ZFP64: variants seen among roughly 807,000 people sequenced by gnomAD.
ZFP64 encodes the protein zinc finger protein 64.
In ZFP64, 14 loss-of-function variants were observed where a neutral mutation model predicts 51.6. The observed-to-expected ratio is 0.27, with a 90% CI of 0.18 to 0.42. The LOEUF is 0.42. Among genes scored for constraint, ZFP64 ranks in the 10% least tolerant of loss-of-function variants. ZFP64 has a pLI of 1.00. For missense variants in ZFP64, 754 were observed against 906.8 expected, an observed-to-expected ratio of 0.83 and a Z score of 2.16; for synonymous variants, 375 against 361.4, an observed-to-expected ratio of 1.04 and a Z score of -0.43.
At chr20:52,110,071 G>A (rs76131604) in intron 5 of ZFP64, among the ~76,000 whole-genome samples, 4,602 of 152,120 alleles carry the variant, frequency 0.03, 95 homozygotes, top group Non-Finnish European at 0.049. Flanking sequence ...GACCTGGGCC[G>A]TACACTCCTC....
intron 2 of ZFP64, 69 bp from the exon 3 acceptor site, chr20:52,166,094 C>T: frequency 6.8e-7 from 1 of 1,477,892 alleles, no homozygotes; most frequent in Non-Finnish European, 9.1e-7. Context: ...TGCCTACTTT[C>T]CTTTGTAGAG....
At chr20:52,103,306 T>C (rs954530422) in intron 5 of ZFP64, among the ~76,000 whole-genome samples, 3 of 152,320 alleles carry the variant, frequency 2.0e-5, no homozygotes, top group African/African-American at 7.2e-5. Flanking sequence ...CAAAAGCTAC[T>C]TGAGTTGCAA....
intron 5 of ZFP64, among the ~76,000 whole-genome samples, chr20:52,126,390 T>C (rs959957973): frequency 1.3e-5 from 2 of 152,182 alleles, no homozygotes; most frequent in African/African-American, 4.8e-5. Context: ...TGCTTAACCA[T>C]TACCCTCTAC....
rs1157627900 is a variant in ZFP64, at chr20:52,152,461, C to A, written c.1731G>T (p.Thr577=). 3.7e-6 allele frequency: 6 copies of A among 1,613,612 alleles called. No individual in the cohort carries two copies. In the East Asian group the frequency reaches 1.3e-4, roughly 36 times the overall value. The part of the protein sequence containing the change: ...PAVLLTTHEQ[T]DGATLHQTLI... ...GAGTCTGGTGCAGAGTGGCTCCGTCCGTCTGCTCGTGGGTGGTCAGCAGGA... is the reference window on the plus strand; with the variant it reads ...GAGTCTGGTGCAGAGTGGCTCCGTCAGTCTGCTCGTGGGTGGTCAGCAGGA... The change falls in exon 6 of 6, where the codon ACG becomes ACT. Residue 577 remains threonine (T), a synonymous_variant. Coordinates refer to ENST00000216923, the MANE Select transcript of ZFP64 (RefSeq NM_018197.3).
chr20:52,101,614 C>A (rs1049293425), intron 5 of ZFP64, among the ~76,000 whole-genome samples: 1 of 151,930 alleles, frequency 6.6e-6, no homozygotes, highest in Non-Finnish European at 1.5e-5. Flanking sequence ...TGCCATGTTG[C>A]CCATGCTGGT....
At chr20:52,170,055 A>C (rs1982596209) in intron 2 of ZFP64, among the ~76,000 whole-genome samples, 1 of 148,680 alleles carries the variant, frequency 6.7e-6, no homozygotes, top group South Asian at 2.1e-4. Context: ...TTCCGTCTCA[A>C]AAAAAAAAAA....
At chr20:52,180,868 GC>G (rs1983564853) in intron 2 of ZFP64, among the ~76,000 whole-genome samples, 1 of 152,148 alleles carries the variant, frequency 6.6e-6, no homozygotes, top group African/African-American at 2.4e-5. Context: ...ATGAACCCAA[GC>G]AGTCTGTCTC....
Position 52,151,985 on chromosome 20 carries a change from C to G in ZFP64, c.*161G>C. 3 of 1,402,136 alleles carry G rather than the reference C, an allele frequency of 2.1e-6. No individual in the cohort carries two copies. The highest frequency in any genetic ancestry group is 5.7e-5 in the Admixed American group (2 of 34,840). The allele number at this position is 1,402,136 out of a possible 1,614,324, so 86.9% of individuals were successfully genotyped here. ...CTGGGAGGCGGACGTTGCAGTGAGC[C>G]AAGATAGCGCCACTGCACTCCAGCC... On this transcript the variant is annotated 3_prime_UTR_variant, in exon 6 of 6. Transcript: ENST00000216923.
chr20:52,148,706 GAAA>G (rs11297522), downstream of ZFP64, among the ~76,000 whole-genome samples: 3 of 121,958 alleles, frequency 2.5e-5, no homozygotes, highest in Admixed American at 8.0e-5. Context: ...CTCAAAACAA[GAAA>G]AAAAAAAAAA....
chr20:52,108,861 AACACACAC>A lies in ZFP64; in HGVS notation c.764-10282_764-10275del, dbSNP rs57127987. 1.5e-3 allele frequency among the ~76,000 whole-genome samples: 208 copies of A among 139,744 alleles called. 1 individual carries two copies. Among genetic ancestry groups the A allele is most frequent in the African/African-American group, 3.2e-3 (118 of 37,370 alleles). The allele number at this position is 139,744 out of a possible 152,430, so 91.7% of individuals were successfully genotyped here. A position where few individuals can be genotyped will look rare whatever the true frequency, so the allele number is the denominator to read the frequency against. Reference sequence around the variant, plus strand: ...TCAAGGCTCAAAATTGAAAATCTGAAACACACACACACACACACACACACACACACACA... The same window carrying A: ...TCAAGGCTCAAAATTGAAAATCTGAAACACACACACACACACACACACACA... On this transcript the variant is annotated intron_variant, in intron 5 of 8. Transcript: ENST00000361387.
At chr20:52,151,140 T>C, downstream of ZFP64, 1 of 679,236 alleles carries the variant, frequency 1.5e-6, no homozygotes, top group Non-Finnish European at 1.8e-6. Context: ...TTAATGTGAC[T>C]GTGGAGGAGG....
chr20:52,088,670 A>G (rs2078889751), intron 7 of ZFP64: 1 of 1,611,228 alleles, frequency 6.2e-7, no homozygotes, highest in East Asian at 2.2e-5. Context: ...AGTCAAAGTT[A>G]AAGGTTTTTT....
chr20:52,185,283 G>A lies in ZFP64; in HGVS notation c.286+1549C>T, dbSNP rs185660991. ...AGGTGATCCACCCGCCTCGGCCTCC[G>A]AAAGTGCTGGGATTACAGGCATGAG... On this transcript the variant is annotated intron_variant, in intron 2 of 5. Transcript: ENST00000216923. Among the ~76,000 whole-genome samples the A allele has an allele frequency of 1.1e-4, 16 of 151,792 alleles. No homozygotes were observed. The East Asian group carries it at 1.4e-3, about 13-fold the overall frequency.
In ZFP64 at chr20:52,164,719, C is replaced by G; in HGVS notation, c.487G>C (p.Glu163Gln). Reference protein sequence around the residue: ...FKTAYGMKDMERHLKIHTGDK... With the variant: ...FKTAYGMKDMQRHLKIHTGDK... Reference sequence around the variant, plus strand: ...CCCGTGTGAATTTTTAAATGCCGCTCCATGTCCTTCATGCCATAAGCAGTC... The same window carrying G: ...CCCGTGTGAATTTTTAAATGCCGCTGCATGTCCTTCATGCCATAAGCAGTC... Residue 163 changes from glutamate (E) to glutamine (Q), a missense_variant, in exon 4 of 6, where the codon GAG (glutamate) becomes CAG (glutamine). Glu to Gln is a conservative substitution (Grantham distance 29, BLOSUM62 2). Around this residue, in one of 3 missense-constraint regions of ZFP64, gnomAD observed 231 missense variants for 336.7 expected, o/e 0.69. Transcript: ENST00000216923. 3 of 1,613,598 alleles carry G rather than the reference C, an allele frequency of 1.9e-6. No individual in the cohort carries two copies. The highest frequency in any genetic ancestry group is 2.5e-6 in the Non-Finnish European group (3 of 1,179,944).
chr20:52,125,061 C>A (rs1979384035), intron 5 of ZFP64, among the ~76,000 whole-genome samples: 1 of 152,162 alleles, frequency 6.6e-6, no homozygotes, highest in Admixed American at 6.5e-5. Context: ...TCATGTGAAA[C>A]CATCTAAGCT....
rs1282963601 is a variant in ZFP64, at chr20:52,191,776, A to G, written c.-140T>C. The stretch of plus-strand genomic sequence containing the variant: ...CAACTCTGCGAGGCGGGGAGGACGG[A>G]TGTAAAGCAAGCTGCACTTCCGCTG... On this transcript the variant is annotated 5_prime_UTR_variant, in exon 1 of 6. Transcript: ENST00000216923. The surrounding 1 kb of genome is among the most constrained non-coding windows in gnomAD (Gnocchi z 4.3). The G allele has an allele frequency of 8.2e-6, 9 of 1,096,088 alleles. No individual in the cohort carries two copies. Among genetic ancestry groups the G allele is most frequent in the Non-Finnish European group, 1.1e-5 (9 of 822,890 alleles). 67.9% of individuals were successfully genotyped at this position (1,096,088 alleles called of 1,614,324 possible).
intron 5 of ZFP64, among the ~76,000 whole-genome samples, chr20:52,143,574 C>T (rs1278562702): frequency 7.1e-6 from 1 of 141,274 alleles, no homozygotes; most frequent in African/African-American, 2.5e-5. Flanking sequence ...CACTCTGTCA[C>T]CAAGGCTAGA....
At chr20:52,113,336 AAAAG>A (rs137886019) in intron 5 of ZFP64, among the ~76,000 whole-genome samples, 68,300 of 147,278 alleles carry the variant, frequency 0.46, 16,509 homozygotes, top group Admixed American at 0.52. Context: ...TCCGCCTCAA[AAAAG>A]AAAGAAAGAA....
At chr20:52,119,089 G>C (rs1247929920) in intron 5 of ZFP64, among the ~76,000 whole-genome samples, 1 of 152,140 alleles carries the variant, frequency 6.6e-6, no homozygotes, top group African/African-American at 2.4e-5. Context: ...AGGCTGCAAT[G>C]AACTATGATC....
Sources: gnomAD v4.1 joint callset for allele counts (sites outside exome capture counted in the v4.1 genomes callset) on GRCh38, gnomAD v4.1.1 for gene constraint, gnomAD v4.1.1 regional missense constraint, Gnocchi (gnomAD v3.1) non-coding constraint, MANE v1.5 for transcripts, NCBI Gene and HGNC (gene_info 2026-07-23, HGNC 2026-07-21) for gene names.